The following SETD2 variants were observed in gnomAD, a reference collection of about 807,000 sequenced individuals.
SETD2 encodes histone-lysine N-methyltransferase SETD2.
Under a neutral mutation model 242.1 loss-of-function variants are expected in SETD2, and 31 were observed. The observed-to-expected ratio is 0.13, with a 90% confidence interval of 0.10 to 0.17. The LOEUF (loss-of-function observed/expected upper bound fraction) is 0.17. SETD2 is among the 10% of genes least tolerant of loss of function. SETD2 has a pLI of 1.00. For missense variants in SETD2, 2,481 were observed against 3,046.3 expected (o/e 0.81, Z 4.37); for synonymous variants, 1,006 against 1,066.5 (o/e 0.94, Z 1.11).
At chr3:47,152,684 C>T (rs1036452246) in intron 1 of SETD2, among the ~76,000 whole-genome samples, 7 of 152,140 alleles carry the variant, frequency 4.6e-5, no homozygotes, top group South Asian at 2.1e-4. Context: ...GTGTTGATTA[C>T]GATAATAGTC....
chr3:47,156,187 C>A (rs535909613), intron 1 of SETD2, among the ~76,000 whole-genome samples: 10 of 152,136 alleles, frequency 6.6e-5, no homozygotes, highest in Admixed American at 3.3e-4. Flanking sequence ...CAAAACCTGA[C>A]AATGCTCATG....
chr3:47,040,390 A>T (rs1358843775), intron 17 of SETD2, among the ~76,000 whole-genome samples: 1 of 152,186 alleles, frequency 6.6e-6, no homozygotes, highest in Non-Finnish European at 1.5e-5. Context: ...AACTCTTGAT[A>T]AAGAAATCTA....
chr3:47,114,421 T>C (rs1259711525), intron 4 of SETD2, among the ~76,000 whole-genome samples: 1 of 152,206 alleles, frequency 6.6e-6, no homozygotes, highest in Non-Finnish European at 1.5e-5. Flanking sequence ...TGATCTACAA[T>C]TGAGAAAATC....
At chr3:47,059,599 T>C (rs2040248165) in intron 14 of SETD2, among the ~76,000 whole-genome samples, 1 of 151,470 alleles carries the variant, frequency 6.6e-6, no homozygotes, top group Admixed American at 6.6e-5. Flanking sequence ...TTTGTATTTT[T>C]AGTAGAGATG....
intron 1 of SETD2, among the ~76,000 whole-genome samples, chr3:47,154,235 C>T (rs2044071193): frequency 6.6e-6 from 1 of 151,844 alleles, no homozygotes; most frequent in African/African-American, 2.4e-5. Flanking sequence ...ATGGTGAAAC[C>T]CCGTCTCTAC....
At chr3:47,155,854 G>A (rs2044115715) in intron 1 of SETD2, among the ~76,000 whole-genome samples, 1 of 150,638 alleles carries the variant, frequency 6.6e-6, no homozygotes, top group African/African-American at 2.4e-5. Flanking sequence ...TTTTTTTTCT[G>A]TCAGAAAAAC....
In SETD2 at chr3:47,164,008, C is replaced by G. The variant is rs1293244391; in HGVS notation, c.-84G>C. ...AGGGGAGGGGAGGAGGCCGCAGGTC[C>G]GACCGCGGCGGCGGCGGCGGCGGCG... is the stretch of plus-strand genomic sequence containing the variant. On this transcript the variant is annotated 5_prime_UTR_variant, in exon 1 of 21. Transcript: ENST00000409792. The surrounding 1 kb of genome is among the most constrained non-coding windows in gnomAD (Gnocchi z 5.4). The G allele has an allele frequency of 5.2e-6, 6 of 1,161,976 alleles. No individual in the cohort carries two copies. The South Asian group carries it at 2.6e-4, about 50-fold the overall frequency. The allele number at this position is 1,161,976 out of a possible 1,614,324, so 72.0% of individuals were successfully genotyped here.
chr3:47,133,245 C>T (rs2043519963), intron 1 of SETD2, among the ~76,000 whole-genome samples: 2 of 152,016 alleles, frequency 1.3e-5, no homozygotes, highest in Non-Finnish European at 2.9e-5. Context: ...TTTGTAGAGA[C>T]AGGGGTCTAT....
intron 6 of SETD2, among the ~76,000 whole-genome samples, chr3:47,104,308 G>C (rs1388799791): frequency 6.6e-6 from 1 of 152,074 alleles, no homozygotes; most frequent in Non-Finnish European, 1.5e-5. Flanking sequence ...TTGGGAAGTT[G>C]AGGCAGGAGG....
rs2038168274 is a variant in SETD2 at position 47,020,452 on chromosome 3, T to C, written c.7351-612A>G. Among the ~76,000 whole-genome samples the C allele has an allele frequency of 3.3e-5, 5 of 152,132 alleles. No homozygotes were observed. In the South Asian group the frequency reaches 1.0e-3, roughly 32 times the overall value. ...GATAAGTAGATGATGACACAGAAGA[T>C]ACTCTATGTCCCCAGCTGGCAAGAT... On this transcript the variant is annotated intron_variant, in intron 18 of 20. Coordinates refer to ENST00000409792, the MANE Select transcript of SETD2 (RefSeq NM_014159.7).
intron 12 of SETD2, among the ~76,000 whole-genome samples, chr3:47,074,675 C>A (rs1003522303): frequency 2.6e-5 from 4 of 152,172 alleles, no homozygotes; most frequent in African/African-American, 9.7e-5. Flanking sequence ...TCTAGAAACA[C>A]TTTTTGAACC....
rs761407419 is a variant in SETD2 at position 47,121,472 on chromosome 3, T to C, written c.3164A>G (p.Asp1055Gly). 2 of 1,613,650 alleles carry C rather than the reference T, an allele frequency of 1.2e-6. No individual in the cohort carries two copies. The highest frequency in any genetic ancestry group is 1.1e-5 in the South Asian group (1 of 91,088). The change falls in exon 3 of 21, where the codon GAT becomes GGT. Residue 1055 changes from aspartate to glycine, a missense_variant. Transcript: ENST00000409792. ...TCTTGGAATACTGCTATCATCCGAA[T>C]CTGTATCTTCTGAATCACTTTCATC... ...SNDESDSEDT[D>G]SDDSSIPRNR...
At chr3:47,018,408 A>T (rs1055215638) in intron 19 of SETD2, among the ~76,000 whole-genome samples, 2 of 152,280 alleles carry the variant, frequency 1.3e-5, no homozygotes, top group South Asian at 2.1e-4. Flanking sequence ...CAAAGAGAAT[A>T]AAGAGGCCAG....
rs774673756 is a variant in SETD2, at chr3:47,124,386, A to C, written c.250T>G (p.Leu84Val). ...SFSFSLTKKT[L>V]QNRFLTALGN... ...AGTGCAGTGAGAAACCTATTCTGCA[A>C]AGTTTTCTTTGTAAGGCTGAAGCTG... Residue 84 changes from leucine to valine, a missense_variant, in exon 3 of 21, where the codon TTG becomes GTG. Physicochemically the swap from Leu to Val is conservative, Grantham distance 32 (BLOSUM62 1). This residue lies in a region of SETD2 where 334 missense variants were observed against 374.5 expected (regional missense o/e 0.89). Transcript: ENST00000409792. 6.4e-7 allele frequency: 1 copy of C among 1,551,994 alleles called. No homozygotes were observed. The highest frequency in any genetic ancestry group is 8.7e-7 in the Non-Finnish European group (1 of 1,147,056).
intron 16 of SETD2, among the ~76,000 whole-genome samples, chr3:47,045,951 A>G (rs1427926333): frequency 6.6e-6 from 1 of 151,650 alleles, no homozygotes; most frequent in Non-Finnish European, 1.5e-5. Context: ...ACGGAACTAT[A>G]AATTCCACAG....
intron 13 of SETD2, 112 bp from the exon 14 acceptor site, chr3:47,062,458 G>GT (rs2040380629): frequency 2.1e-6 from 2 of 967,944 alleles, no homozygotes; most frequent in Middle Eastern, 2.8e-4. Flanking sequence ...TCCAACAAAT[G>GT]TATCTATGGA....
intron 14 of SETD2, among the ~76,000 whole-genome samples, chr3:47,060,398 G>A (rs2040281497): frequency 6.6e-6 from 1 of 152,168 alleles, no homozygotes; most frequent in African/African-American, 2.4e-5. Flanking sequence ...GAAAAGACAA[G>A]ATTTCCCAGA....
chr3:47,033,374 C>T (rs955806099), intron 18 of SETD2, among the ~76,000 whole-genome samples: 2 of 152,160 alleles, frequency 1.3e-5, no homozygotes, highest in African/African-American at 4.8e-5. Flanking sequence ...AAAAGCATAA[C>T]AGAGCTATAA....
chr3:47,135,758 T>C (rs2043577671), intron 1 of SETD2, among the ~76,000 whole-genome samples: 3 of 152,198 alleles, frequency 2.0e-5, no homozygotes. Flanking sequence ...ATGACCACTC[T>C]CAATTGACGA....
Sources: allele counts gnomAD v4.1 joint callset (sites outside exome capture counted in the v4.1 genomes callset), GRCh38; gene constraint gnomAD v4.1.1; regional missense constraint gnomAD v4.1.1; non-coding constraint Gnocchi (gnomAD v3.1); transcripts MANE v1.5; gene names NCBI Gene and HGNC (gene_info 2026-07-23, HGNC 2026-07-21).